Variants in WDFY3 observed in about 807,000 individuals in gnomAD.
WDFY3 encodes WD repeat and FYVE domain-containing protein 3.
WDFY3 carries 66 observed loss-of-function variants against 409.6 expected under a neutral mutation model. That is an observed-to-expected ratio of 0.16 (90% CI 0.13 to 0.20). The LOEUF (loss-of-function observed/expected upper bound fraction) is 0.20, where lower values mean the gene tolerates loss of function less well. WDFY3 is among the 10% of genes least tolerant of loss of function. The pLI, the probability that WDFY3 is intolerant of heterozygous loss-of-function variation, is 1.00. For synonymous variants in WDFY3, 1,521 were observed against 1,537.1 expected (o/e 0.99, Z 0.25); for missense variants, 3,031 against 4,298.1 (o/e 0.71, Z 8.24).
rs372346496 is a variant in WDFY3 at position 84,775,558 on chromosome 4, A to C, written c.4519-420T>G. 3.9e-5 allele frequency among the ~76,000 whole-genome samples: 6 copies of C among 152,080 alleles called. No homozygotes were observed. In the South Asian group the frequency reaches 1.2e-3, roughly 32 times the overall value. ...TAAACTTGAAGACATAACAATAGAAATTATTCAGAATGAAGCATAAGAAAA... is the reference window on the plus strand; with the variant it reads ...TAAACTTGAAGACATAACAATAGAACTTATTCAGAATGAAGCATAAGAAAA... On this transcript the variant is annotated intron_variant, in intron 27 of 67. Coordinates refer to ENST00000295888, the MANE Select transcript of WDFY3 (RefSeq NM_014991.6).
At chr4:84,774,334 A>G (rs1294669135) in intron 29 of WDFY3, among the ~76,000 whole-genome samples, 1 of 152,248 alleles carries the variant, frequency 6.6e-6, no homozygotes, top group African/African-American at 2.4e-5. Flanking sequence ...CTTAAACCGC[A>G]TTTTGCATTG....
rs146247495 is a variant in WDFY3, at chr4:84,724,417, C to T, written c.7441+9G>A. The T allele has an allele frequency of 2.5e-4, 397 of 1,587,798 alleles. 2 individuals are homozygous for T. In the African/African-American group the frequency reaches 5.1e-3, roughly 20 times the overall value. ...TCACTTTTAATCAAAATCAAAAAGG[C>T]AGGCTGACCTTTGACTTTAGCAATA... is the stretch of plus-strand genomic sequence containing the variant. On this transcript the variant is annotated intron_variant, in intron 46 of 67. Coordinates refer to ENST00000295888, the MANE Select transcript of WDFY3 (RefSeq NM_014991.6).
intron 1 of WDFY3, among the ~76,000 whole-genome samples, chr4:84,943,154 C>A (rs1772358966): frequency 6.6e-6 from 1 of 152,192 alleles, no homozygotes; most frequent in South Asian, 2.1e-4. Flanking sequence ...AATATATTTT[C>A]TCTTCCTTAT....
intron 10 of WDFY3, among the ~76,000 whole-genome samples, chr4:84,824,637 C>T (rs569713703): frequency 4.6e-5 from 7 of 152,212 alleles, no homozygotes; most frequent in East Asian, 1.9e-4. Context: ...ACTTTCTAGA[C>T]GGTGAAAATA....
chr4:84,794,712 G>A lies in WDFY3; in HGVS notation c.3294C>T (p.Ser1098=), dbSNP rs754817902. Residue 1098 remains serine (S), a synonymous_variant, in exon 21 of 68, where the codon TCC becomes TCT. Transcript: ENST00000295888. ...AAAACCAGCTAGAGTAACTTAAGCC[G>A]GAGGGAGGAGGGAAGAATCTTTCAC... ...GSGERFFPPP[S]GLSYSSWFCI... 4.1e-5 allele frequency: 66 copies of A among 1,613,046 alleles called. No homozygotes were observed. Among genetic ancestry groups the A allele is most frequent in the East Asian group, 2.0e-4 (9 of 44,830 alleles).
chr4:84,755,993 G>A (rs1046400804), intron 33 of WDFY3, among the ~76,000 whole-genome samples: 1 of 152,126 alleles, frequency 6.6e-6, no homozygotes, highest in African/African-American at 2.4e-5. Context: ...AAAAGATTTT[G>A]TCAACTACTA....
intron 2 of WDFY3, among the ~76,000 whole-genome samples, chr4:84,919,602 C>T (rs1189120710): frequency 2.6e-5 from 4 of 152,056 alleles, no homozygotes; most frequent in Non-Finnish European, 5.9e-5. Flanking sequence ...GTGGTTACCT[C>T]CATGTTGTTC....
chr4:84,870,744 G>A (rs934429651), intron 3 of WDFY3, among the ~76,000 whole-genome samples: 1 of 152,090 alleles, frequency 6.6e-6, no homozygotes, highest in Non-Finnish European at 1.5e-5. Context: ...AAGGGAAAAG[G>A]AAGAATAAAG....
At chr4:84,770,693 C>T (rs1217519232) in intron 30 of WDFY3, among the ~76,000 whole-genome samples, 1 of 152,148 alleles carries the variant, frequency 6.6e-6, no homozygotes, top group African/African-American at 2.4e-5. Flanking sequence ...AAGACAGAGA[C>T]TGGTAATTTG....
intron 38 of WDFY3, among the ~76,000 whole-genome samples, 188 bp downstream of exon 38, chr4:84,741,573 C>A (rs1160454142): frequency 1.3e-5 from 2 of 152,098 alleles, no homozygotes; most frequent in Admixed American, 1.3e-4. Flanking sequence ...CCTTGGCCTC[C>A]CAAAGTGCTG....
At chr4:84,947,547 T>TA (rs1554027517) in intron 1 of WDFY3, among the ~76,000 whole-genome samples, 5 of 139,826 alleles carry the variant, frequency 3.6e-5, no homozygotes, top group Non-Finnish European at 7.9e-5. Context: ...ATAATAAAAA[T>TA]AATAAATAAA....
chr4:84,911,292 C>T (rs1014241228), intron 2 of WDFY3, among the ~76,000 whole-genome samples: 1 of 151,974 alleles, frequency 6.6e-6, no homozygotes, highest in Non-Finnish European at 1.5e-5. Context: ...TTTGAGACCA[C>T]CCTGGAAAAC....
At chr4:84,752,975 A>G (rs536579075) in intron 35 of WDFY3, among the ~76,000 whole-genome samples, 2 of 152,340 alleles carry the variant, frequency 1.3e-5, no homozygotes, top group African/African-American at 4.8e-5. Context: ...AAAGTCACCA[A>G]TATTTATGTC....
intron 26 of WDFY3, 114 bp from the exon 27 acceptor site, chr4:84,778,769 A>G: frequency 1.1e-6 from 1 of 926,808 alleles, no homozygotes. Context: ...AAACACACAC[A>G]TACACACAGA....
intron 3 of WDFY3, among the ~76,000 whole-genome samples, chr4:84,871,246 G>C (rs1419026577): frequency 6.6e-6 from 1 of 151,988 alleles, no homozygotes; most frequent in African/African-American, 2.4e-5. Context: ...TAACAGGAAG[G>C]GAAAACACAG....
intron 2 of WDFY3, among the ~76,000 whole-genome samples, chr4:84,930,261 G>A (rs549189088): frequency 6.6e-6 from 1 of 152,208 alleles, no homozygotes; most frequent in South Asian, 2.1e-4. Context: ...ATGCCCAAAG[G>A]TCTTTATTAA....
intron 1 of WDFY3, among the ~76,000 whole-genome samples, chr4:84,961,386 C>G (rs929686363): frequency 6.6e-6 from 1 of 151,604 alleles, no homozygotes; most frequent in African/African-American, 2.4e-5. Context: ...TCTTTTTTTC[C>G]CTTTAAGTCC....
chr4:84,915,271 C>T (rs953110514), intron 2 of WDFY3, among the ~76,000 whole-genome samples: 1 of 152,116 alleles, frequency 6.6e-6, no homozygotes, highest in African/African-American at 2.4e-5. Flanking sequence ...ACCCAACATC[C>T]TGAACATATA....
At chr4:84,841,364 AATTATATCAGCACT>A in intron 5 of WDFY3, 101 bp from the exon 6 acceptor site, 1 of 925,992 alleles carries the variant, frequency 1.1e-6, no homozygotes, top group South Asian at 1.5e-5. Context: ...CTAAGCACAT[AATTATATCAGCACT>A]ATTACATATA....
Sources: gnomAD v4.1 joint callset for allele counts (sites outside exome capture counted in the v4.1 genomes callset) on GRCh38, gnomAD v4.1.1 for gene constraint, MANE v1.5 for transcripts, NCBI Gene and HGNC (gene_info 2026-07-23, HGNC 2026-07-21) for gene names.